PAPPA2: variants seen among roughly 807,000 people sequenced by gnomAD.
The protein encoded by PAPPA2 is pappalysin 2, also known as pappalysin-2.
Under a neutral mutation model 176.4 loss-of-function variants are expected in PAPPA2, and 86 were observed. The observed-to-expected ratio is 0.49, with a 90% CI of 0.41 to 0.58. The LOEUF (loss-of-function observed/expected upper bound fraction) is 0.58, where lower values mean the gene tolerates loss of function less well. Ranked by LOEUF, PAPPA2 falls within the 20% of genes least tolerant of loss-of-function variation. The probability of loss-of-function intolerance (pLI) is 0.00; values close to 1 mark genes in which losing one functional copy is unlikely to be tolerated. For missense variants in PAPPA2, 2,073 were observed against 2,256.9 expected, an observed-to-expected ratio of 0.92 and a Z score of 1.65; for synonymous variants, 809 against 852.2, an observed-to-expected ratio of 0.95 and a Z score of 0.88.
At chr1:176,682,871 T>A (rs1659652329) in intron 4 of PAPPA2, among the ~76,000 whole-genome samples, 1 of 152,108 alleles carries the variant, frequency 6.6e-6, no homozygotes. Flanking sequence ...CACCAGTCAC[T>A]GGAAGTAATT....
At chr1:176,740,295 C>G in intron 14 of PAPPA2, 99 bp downstream of exon 14, 1 of 1,207,718 alleles carries the variant, frequency 8.3e-7, no homozygotes, top group Non-Finnish European at 1.1e-6. Context: ...TGCTCAATCA[C>G]TAACTGAAAA....
intron 1 of PAPPA2, among the ~76,000 whole-genome samples, chr1:176,479,652 C>G (rs920818524): frequency 2.6e-5 from 4 of 152,062 alleles, no homozygotes; most frequent in Non-Finnish European, 4.4e-5. Flanking sequence ...AAGGAGGGTC[C>G]TCTCATGGTC....
chr1:176,670,934 T>C, intron 3 of PAPPA2, 36 bp from the exon 4 acceptor site: 2 of 1,612,308 alleles, frequency 1.2e-6, no homozygotes, highest in Non-Finnish European at 1.7e-6. Context: ...TACCAATTCT[T>C]TGCTGTGACA....
intron 3 of PAPPA2, among the ~76,000 whole-genome samples, chr1:176,619,976 G>T (rs1655491776): frequency 6.6e-6 from 1 of 152,144 alleles, no homozygotes; most frequent in African/African-American, 2.4e-5. Context: ...GTCCATTTAG[G>T]CTGCTATGAC....
chr1:176,771,354 A>C (rs1000851215), intron 17 of PAPPA2, among the ~76,000 whole-genome samples, 174 bp downstream of exon 17: 4 of 152,178 alleles, frequency 2.6e-5, no homozygotes, highest in African/African-American at 9.7e-5. Context: ...CCACAGTCTC[A>C]CTTGCATACT....
intron 2 of PAPPA2, among the ~76,000 whole-genome samples, chr1:176,575,943 G>A (rs548843052): frequency 2.2e-4 from 33 of 152,288 alleles, no homozygotes; most frequent in Non-Finnish European, 3.7e-4. Context: ...ATATTTTCCT[G>A]TGTTCCTAAA....
chr1:176,840,676 C>G (rs1667454723), intron 22 of PAPPA2, among the ~76,000 whole-genome samples: 1 of 152,166 alleles, frequency 6.6e-6, no homozygotes, highest in African/African-American at 2.4e-5. Context: ...TTACAAGCAT[C>G]TCGCAGGCAC....
chr1:176,567,049 TC>T (rs1280043010), intron 2 of PAPPA2, among the ~76,000 whole-genome samples: 1 of 152,166 alleles, frequency 6.6e-6, no homozygotes, highest in East Asian at 1.9e-4. Flanking sequence ...TCAGCTCACA[TC>T]ATACACCCCC....
chr1:176,811,574 G>T (rs1291868782), intron 21 of PAPPA2, among the ~76,000 whole-genome samples: 1 of 152,154 alleles, frequency 6.6e-6, no homozygotes, highest in African/African-American at 2.4e-5. Flanking sequence ...GGATGGTGTA[G>T]GTCCTTACAA....
At chr1:176,668,455 A>G (rs1274110441) in intron 3 of PAPPA2, among the ~76,000 whole-genome samples, 2 of 152,190 alleles carry the variant, frequency 1.3e-5, no homozygotes, top group African/African-American at 2.4e-5. Context: ...TCTATCTCTT[A>G]ATCATTTCTG....
At position 176,581,094 on chromosome 1, in the gene PAPPA2, G is replaced by T. The variant is rs897105482; in HGVS notation, c.920-13430G>T. On this transcript the variant is annotated intron_variant, in intron 2 of 22. Coordinates refer to ENST00000367662, the MANE Select transcript of PAPPA2 (RefSeq NM_020318.3). The stretch of plus-strand genomic sequence containing the variant: ...TTTCTTCTAGCAGCTTTGTCGTTTT[G>T]TGTCTTACATTTAGGTCTTTAACCC... 1.4e-4 allele frequency among the ~76,000 whole-genome samples: 22 copies of T among 152,074 alleles called. 1 individual carries two copies. Among genetic ancestry groups the T allele is most frequent in the Admixed American group, 1.3e-3 (20 of 15,274 alleles).
At chr1:176,617,927 A>G (rs1655362785) in intron 3 of PAPPA2, among the ~76,000 whole-genome samples, 1 of 152,162 alleles carries the variant, frequency 6.6e-6, no homozygotes, top group Admixed American at 6.5e-5. Context: ...GAATCAGGAC[A>G]TCTTATTGGT....
chr1:176,714,911 C>T (rs11576869), intron 12 of PAPPA2, among the ~76,000 whole-genome samples: 3,333 of 152,208 alleles, frequency 0.022, 56 homozygotes, highest in Middle Eastern at 0.058. Flanking sequence ...AAAATTATAG[C>T]GTCAGGGAAT....
At chr1:176,554,468 G>C (rs113390136) in intron 1 of PAPPA2, among the ~76,000 whole-genome samples, 280 of 152,268 alleles carry the variant, frequency 1.8e-3, no homozygotes, top group African/African-American at 6.3e-3. Flanking sequence ...TTGTGTACAC[G>C]CACATGCACT....
chr1:176,695,960 ATGTGTATGTGTGTGTGTGTGTGTGTG>A, intron 7 of PAPPA2, 101 bp downstream of exon 7: 2 of 1,184,738 alleles, frequency 1.7e-6, no homozygotes, highest in Admixed American at 1.9e-5. Flanking sequence ...AAGGCAATGT[ATGTGTATGTGTGTGTGTGTGTGTGTG>A]TGTGTGTGTG....
At chr1:176,502,948 G>A (rs12133702) in intron 1 of PAPPA2, among the ~76,000 whole-genome samples, 26,284 of 152,072 alleles carry the variant, frequency 0.17, 2,435 homozygotes, top group Middle Eastern at 0.28. Flanking sequence ...TAAACACTGG[G>A]GAATAAACAT....
At chr1:176,771,243 T>C in intron 17 of PAPPA2, 63 bp downstream of exon 17, 1 of 1,521,404 alleles carries the variant, frequency 6.6e-7, no homozygotes, top group Non-Finnish European at 9.1e-7. Context: ...TGTTTGTTTT[T>C]CTGTATAATC....
intron 1 of PAPPA2, among the ~76,000 whole-genome samples, chr1:176,551,590 G>T (rs1476237035): frequency 6.6e-6 from 1 of 152,116 alleles, no homozygotes; most frequent in Non-Finnish European, 1.5e-5. Flanking sequence ...CTCTCTTTGT[G>T]CAAAGACTCT....
intron 14 of PAPPA2, among the ~76,000 whole-genome samples, chr1:176,763,508 G>T (rs1663793223): frequency 6.6e-6 from 1 of 152,162 alleles, no homozygotes. Context: ...GATAGCTATG[G>T]ACTGACTTTG....
Sources: gnomAD v4.1 joint callset for allele counts (sites outside exome capture counted in the v4.1 genomes callset) on GRCh38, gnomAD v4.1.1 for gene constraint, MANE v1.5 for transcripts, NCBI Gene and HGNC (gene_info 2026-07-23, HGNC 2026-07-21) for gene names.